FGF2: variants seen among roughly 807,000 people sequenced by gnomAD.
FGF2 encodes the protein basic fibroblast growth factor bFGF.
FGF2 carries 13 observed loss-of-function variants against 15.9 expected under a neutral mutation model. That is an observed-to-expected ratio of 0.82 (90% CI 0.53 to 1.30). The LOEUF (loss-of-function observed/expected upper bound fraction) is 1.30, where lower values mean the gene tolerates loss of function less well. Among genes scored for constraint, FGF2 ranks in the 50% most tolerant of loss-of-function variants. The pLI is 0.00. For synonymous variants in FGF2, 90 were observed against 78.4 expected (o/e 1.15, Z -0.78); for missense variants, 163 against 196.9 (o/e 0.83, Z 1.03).
At chr4:122,856,954 A>G (rs1726354697) in intron 1 of FGF2, among the ~76,000 whole-genome samples, 1 of 152,208 alleles carries the variant, frequency 6.6e-6, no homozygotes, top group Non-Finnish European at 1.5e-5. Flanking sequence ...GCCCCTGAGA[A>G]GAAAAGACCA....
chr4:122,847,651 AATCT>A (rs1198643066), intron 1 of FGF2, among the ~76,000 whole-genome samples: 1 of 141,180 alleles, frequency 7.1e-6, no homozygotes, highest in Non-Finnish European at 1.5e-5. Flanking sequence ...CTGTCTATCT[AATCT>A]ATCTATCTAC....
intron 1 of FGF2, among the ~76,000 whole-genome samples, chr4:122,869,894 A>G (rs1036129375): frequency 7.9e-5 from 12 of 152,132 alleles, no homozygotes; most frequent in Non-Finnish European, 1.2e-4. Flanking sequence ...GTGGTGAGAG[A>G]GGCATCCTTG....
At chr4:122,828,981 A>T (rs1256823615) in intron 1 of FGF2, among the ~76,000 whole-genome samples, 1 of 152,226 alleles carries the variant, frequency 6.6e-6, no homozygotes, top group Admixed American at 6.5e-5. Context: ...AAAAGCATGT[A>T]TTATGACCAG....
Position 122,894,645 on chromosome 4 carries a change from T to C in FGF2, c.*2249T>C, listed in dbSNP as rs1727295457. ...AATTTTTACTCTGATGTGCAATACA[T>C]TTGTTATTAAATTTATTATTTAAGA... On this transcript the variant is annotated 3_prime_UTR_variant, in exon 3 of 3. Transcript: ENST00000644866. 1 of 152,190 alleles carries C rather than the reference T, an allele frequency of 6.6e-6. No individual in the cohort carries two copies. Among genetic ancestry groups the C allele is most frequent in the South Asian group, 2.1e-4 (1 of 4,830 alleles). The allele number at this position is 152,190 out of a possible 1,614,324, so 9.4% of individuals were successfully genotyped here. A position where few individuals can be genotyped will look rare whatever the true frequency, so the allele number is the denominator to read the frequency against.
intron 2 of FGF2, among the ~76,000 whole-genome samples, chr4:122,890,493 C>T (rs1005189329): frequency 1.3e-5 from 2 of 152,154 alleles, no homozygotes; most frequent in African/African-American, 4.8e-5. Flanking sequence ...AAGTAAATAT[C>T]CAGTAAAATT....
At chr4:122,869,281 C>G in intron 1 of FGF2, among the ~76,000 whole-genome samples, 1 of 152,110 alleles carries the variant, frequency 6.6e-6, no homozygotes, top group Admixed American at 6.5e-5. Context: ...ATGTCTCTAG[C>G]TTTGTTCTTT....
In FGF2 at chr4:122,876,383, C is replaced by T. The variant is rs769999277; in HGVS notation, c.241C>T (p.Arg81Cys). 49 of 1,613,010 alleles carry T rather than the reference C, an allele frequency of 3.0e-5. No homozygotes were observed. The highest frequency in any genetic ancestry group is 3.8e-5 in the Non-Finnish European group (45 of 1,179,262). Residue 81 changes from arginine (R) to cysteine (C), a missense_variant, in exon 2 of 3, where the codon CGT (arginine) becomes TGT (cysteine). By Grantham distance (180) the Arg-to-Cys change is radical (BLOSUM62 -3). Transcript: ENST00000644866. ...GTCTATCAAAGGAGTGTGTGCTAAC[C>T]GTTACCTGGCTATGAAGGAAGATGG... Reference protein sequence around the residue: ...VVSIKGVCANRYLAMKEDGRL... With the variant: ...VVSIKGVCANCYLAMKEDGRL...
At chr4:122,849,162 G>A (rs1429909877) in intron 1 of FGF2, among the ~76,000 whole-genome samples, 1 of 152,126 alleles carries the variant, frequency 6.6e-6, no homozygotes, top group African/African-American at 2.4e-5. Flanking sequence ...AATCTCTTTG[G>A]TGGCTTAGTT....
At chr4:122,873,999 G>A (rs1372806173) in intron 1 of FGF2, among the ~76,000 whole-genome samples, 2 of 152,140 alleles carry the variant, frequency 1.3e-5, no homozygotes, top group African/African-American at 2.4e-5. Context: ...GGCCATACAC[G>A]AATATCCCTA....
intron 1 of FGF2, among the ~76,000 whole-genome samples, chr4:122,858,140 G>A (rs1726377239): frequency 6.6e-6 from 1 of 152,114 alleles, no homozygotes; most frequent in African/African-American, 2.4e-5. Flanking sequence ...GGTGTCTAAT[G>A]TTCTTATTTA....
At chr4:122,844,557 TTTTCTTTCTTTCTTTTTC>T (rs1247996638) in intron 1 of FGF2, among the ~76,000 whole-genome samples, 23 of 146,242 alleles carry the variant, frequency 1.6e-4, no homozygotes, top group Middle Eastern at 3.5e-3. Flanking sequence ...TTCTTTCTCT[TTTTCTTTCTTTCTTTTTC>T]TTTCTTTCTT....
chr4:122,871,520 C>T (rs1408082030), intron 1 of FGF2, among the ~76,000 whole-genome samples: 2 of 151,942 alleles, frequency 1.3e-5, no homozygotes, highest in Non-Finnish European at 2.9e-5. Context: ...CAAACTGGTC[C>T]TATTACCCGT....
At chr4:122,877,953 G>A (rs1161669236) in intron 2 of FGF2, among the ~76,000 whole-genome samples, 1 of 152,170 alleles carries the variant, frequency 6.6e-6, no homozygotes, top group African/African-American at 2.4e-5. Context: ...ACAAGTTTGA[G>A]TGTAGTGGCT....
At chr4:122,834,294 C>G (rs1375063356) in intron 1 of FGF2, among the ~76,000 whole-genome samples, 1 of 152,212 alleles carries the variant, frequency 6.6e-6, no homozygotes, top group East Asian at 1.9e-4. Flanking sequence ...CTTGGCTGTC[C>G]TGTCTCACTA....
intron 1 of FGF2, among the ~76,000 whole-genome samples, chr4:122,860,174 T>C (rs1726430849): frequency 6.6e-6 from 1 of 152,194 alleles, no homozygotes; most frequent in Admixed American, 6.5e-5. Context: ...TTTTAAAATT[T>C]TCTCCATAAA....
chr4:122,892,453 T>G lies in FGF2; in HGVS notation c.*57T>G. ...TGAAAGAAGAAGTATATTTTAGAAA[T>G]TTGTTAATGAGAGTAAAAGAAAATA... On this transcript the variant is annotated 3_prime_UTR_variant, in exon 3 of 3. Transcript: ENST00000644866. 1.2e-6 allele frequency: 2 copies of G among 1,610,654 alleles called. No individual in the cohort carries two copies. Among genetic ancestry groups the G allele is most frequent in the Non-Finnish European group, 1.7e-6 (2 of 1,177,518 alleles).
At chr4:122,885,823 C>T (rs1379332054) in intron 2 of FGF2, among the ~76,000 whole-genome samples, 2 of 150,372 alleles carry the variant, frequency 1.3e-5, no homozygotes, top group African/African-American at 4.9e-5. Flanking sequence ...GTTTCTTAGA[C>T]TTTCCTTATT....
chr4:122,850,619 AAAAAAC>A (rs974418848), intron 1 of FGF2, among the ~76,000 whole-genome samples: 2 of 152,224 alleles, frequency 1.3e-5, no homozygotes, highest in Admixed American at 1.3e-4. Context: ...AAGAAAGAGA[AAAAAAC>A]AAAAACAAAA....
intron 1 of FGF2, among the ~76,000 whole-genome samples, chr4:122,867,489 A>T (rs1238521580): frequency 6.6e-6 from 1 of 152,182 alleles, no homozygotes; most frequent in African/African-American, 2.4e-5. Flanking sequence ...GCTGGCAGTT[A>T]ATTTTTTTCT....
Sources: gnomAD v4.1 joint callset for allele counts (sites outside exome capture counted in the v4.1 genomes callset) on GRCh38, gnomAD v4.1.1 for gene constraint, MANE v1.5 for transcripts, NCBI Gene and HGNC (gene_info 2026-07-23, HGNC 2026-07-21) for gene names.